The following NEDD4L variants were observed in gnomAD, a reference collection of about 807,000 sequenced individuals.
NEDD4L encodes the protein E3 ubiquitin-protein ligase NEDD4-like.
NEDD4L carries 54 observed loss-of-function variants against 148.9 expected under a neutral mutation model. The ratio of observed to expected loss-of-function variants is 0.36; its 90% CI spans 0.29 to 0.45. The LOEUF is 0.45. NEDD4L is among the 20% of genes least tolerant of loss of function. The probability of loss-of-function intolerance (pLI) is 1.00; values close to 1 mark genes in which losing one functional copy is unlikely to be tolerated. For synonymous variants in NEDD4L, 433 were observed against 440.7 expected (o/e 0.98, Z 0.22); for missense variants, 856 against 1,233.8 (o/e 0.69, Z 4.59).
At chr18:58,127,707 G>A (rs1232636992) in intron 1 of NEDD4L, among the ~76,000 whole-genome samples, 3 of 151,918 alleles carry the variant, frequency 2.0e-5, no homozygotes, top group Non-Finnish European at 4.4e-5. Context: ...TGGGCGTGGT[G>A]GCAGGTGCTT....
chr18:58,124,910 T>C (rs1048697916), intron 1 of NEDD4L, among the ~76,000 whole-genome samples: 3 of 152,188 alleles, frequency 2.0e-5, no homozygotes, highest in Admixed American at 2.0e-4. Context: ...GATGGATGTG[T>C]GGATGAATGA....
chr18:58,117,303 A>G (rs2085912491), intron 1 of NEDD4L, among the ~76,000 whole-genome samples: 1 of 152,216 alleles, frequency 6.6e-6, no homozygotes, highest in South Asian at 2.1e-4. Context: ...AGAATAATTT[A>G]TGTTCAAGAT....
chr18:58,181,125 A>T (rs1290718507), intron 2 of NEDD4L, among the ~76,000 whole-genome samples: 1 of 152,222 alleles, frequency 6.6e-6, no homozygotes, highest in Non-Finnish European at 1.5e-5. Context: ...TATTTAAGTA[A>T]TTTCTACTTT....
intron 15 of NEDD4L, 106 bp from the exon 16 acceptor site, chr18:58,342,800 C>A (rs1025002961): frequency 6.2e-5 from 50 of 804,336 alleles, no homozygotes; most frequent in Admixed American, 3.9e-5. Context: ...GGGGATCTTC[C>A]CTCTTGTCCA....
intron 2 of NEDD4L, among the ~76,000 whole-genome samples, chr18:58,169,073 G>A (rs1320291294): frequency 1.3e-5 from 2 of 152,220 alleles, no homozygotes. Flanking sequence ...GGGGCCCTTG[G>A]TGTGGGGCCT....
intron 6 of NEDD4L, among the ~76,000 whole-genome samples, chr18:58,320,340 G>C (rs910401056): frequency 6.6e-6 from 1 of 152,124 alleles, no homozygotes; most frequent in African/African-American, 2.4e-5. Context: ...CCAAGTCAGA[G>C]TCCGTCTGTT....
At chr18:58,315,051 C>A (rs2058109542) in intron 5 of NEDD4L, among the ~76,000 whole-genome samples, 1 of 152,214 alleles carries the variant, frequency 6.6e-6, no homozygotes, top group South Asian at 2.1e-4. Flanking sequence ...GTGGCTCAAG[C>A]TGGCTATGGG....
intron 1 of NEDD4L, among the ~76,000 whole-genome samples, chr18:58,084,900 G>T (rs960733221): frequency 6.6e-6 from 1 of 151,910 alleles, no homozygotes; most frequent in Non-Finnish European, 1.5e-5. Flanking sequence ...TTCCTATGTT[G>T]CCCAGCCTGG....
Position 58,252,848 on chromosome 18 carries a change from A to G in NEDD4L, c.297+794A>G, listed in dbSNP as rs369070522. Among the ~76,000 whole-genome samples the G allele has an allele frequency of 1.4e-4, 21 of 152,292 alleles. No homozygotes were observed. The East Asian group carries it at 1.9e-3, about 14-fold the overall frequency. On this transcript the variant is annotated intron_variant, in intron 5 of 30. Transcript: ENST00000400345. ...GCAGGACTCCAGGATAGCTAGGACTACAGGCATGAGCCACCATGCCTGGCC... is the reference window on the plus strand; with the variant it reads ...GCAGGACTCCAGGATAGCTAGGACTGCAGGCATGAGCCACCATGCCTGGCC...
At chr18:58,162,955 T>C (rs536817624) in intron 1 of NEDD4L, among the ~76,000 whole-genome samples, 1 of 151,964 alleles carries the variant, frequency 6.6e-6, no homozygotes, top group Non-Finnish European at 1.5e-5. Flanking sequence ...TCTCAGCTAC[T>C]TGGGAGGCTG....
intron 1 of NEDD4L, among the ~76,000 whole-genome samples, chr18:58,155,512 G>A (rs764062501): frequency 6.6e-6 from 1 of 152,182 alleles, no homozygotes. Context: ...TTTGATGTGA[G>A]TTATTTCTTT....
At chr18:58,293,512 T>C (rs2055077982) in intron 5 of NEDD4L, among the ~76,000 whole-genome samples, 1 of 152,258 alleles carries the variant, frequency 6.6e-6, no homozygotes, top group South Asian at 2.1e-4. Context: ...ACCCAGGTTG[T>C]GTACAAGAAA....
chr18:58,276,212 T>TG (rs58442069), intron 5 of NEDD4L, among the ~76,000 whole-genome samples: 25 of 103,480 alleles, frequency 2.4e-4, no homozygotes, highest in African/African-American at 7.6e-4. Flanking sequence ...TTTTTTTTTT[T>TG]GGGTGGGGAG....
chr18:58,087,088 GC>G (rs1400768980), intron 1 of NEDD4L, among the ~76,000 whole-genome samples: 2 of 152,200 alleles, frequency 1.3e-5, no homozygotes, highest in Non-Finnish European at 2.9e-5. Flanking sequence ...ACTTCTTAGG[GC>G]CTTTGGTTTG....
At chr18:58,327,958 T>G (rs997441973) in intron 9 of NEDD4L, among the ~76,000 whole-genome samples, 4 of 151,906 alleles carry the variant, frequency 2.6e-5, no homozygotes, top group African/African-American at 9.7e-5. Context: ...TTTTTTCTTT[T>G]TTTTTTTGTT....
At chr18:58,283,107 G>A (rs537544075) in intron 5 of NEDD4L, among the ~76,000 whole-genome samples, 7 of 151,592 alleles carry the variant, frequency 4.6e-5, no homozygotes, top group East Asian at 1.9e-4. Flanking sequence ...ACTGTGTCTC[G>A]CTCTGTCGCC....
chr18:58,352,500 C>G (rs569348527), intron 18 of NEDD4L, among the ~76,000 whole-genome samples: 1 of 152,064 alleles, frequency 6.6e-6, no homozygotes, highest in South Asian at 2.1e-4. Flanking sequence ...ACTAAAAATA[C>G]AAGTAAAAAC....
intron 1 of NEDD4L, among the ~76,000 whole-genome samples, chr18:58,051,391 A>G (rs137947032): frequency 4.6e-5 from 7 of 152,350 alleles, no homozygotes; most frequent in African/African-American, 1.7e-4. Flanking sequence ...ACTGTTTAAA[A>G]ATATTAAGAA....
chr18:58,179,841 A>G (rs1043602431), intron 2 of NEDD4L, among the ~76,000 whole-genome samples: 6 of 152,080 alleles, frequency 3.9e-5, no homozygotes, highest in Admixed American at 3.9e-4. Context: ...ATCTATTACA[A>G]TGTAATAATA....
Sources: gnomAD v4.1 joint callset for allele counts (sites outside exome capture counted in the v4.1 genomes callset) on GRCh38, gnomAD v4.1.1 for gene constraint, MANE v1.5 for transcripts, NCBI Gene and HGNC (gene_info 2026-07-23, HGNC 2026-07-21) for gene names.